ERBB4: variants seen among roughly 807,000 people sequenced by gnomAD.
ERBB4 encodes the protein receptor tyrosine-protein kinase erbB-4.
In ERBB4, 42 loss-of-function variants were observed where a neutral mutation model predicts 158.0. The observed-to-expected ratio is 0.27, with a 90% confidence interval of 0.21 to 0.34. The LOEUF (loss-of-function observed/expected upper bound fraction) is 0.34, where lower values mean the gene tolerates loss of function less well. Ranked by LOEUF, ERBB4 falls within the 10% of genes least tolerant of loss-of-function variation. The pLI is 1.00. For missense variants in ERBB4, 1,333 were observed against 1,624.1 expected, an observed-to-expected ratio of 0.82 and a Z score of 3.08; for synonymous variants, 583 against 558.7, an observed-to-expected ratio of 1.04 and a Z score of -0.61.
At chr2:211,518,193 TG>T (rs1390841336) in intron 20 of ERBB4, among the ~76,000 whole-genome samples, 1 of 152,034 alleles carries the variant, frequency 6.6e-6, no homozygotes, top group South Asian at 2.1e-4. Flanking sequence ...ACCTATAAAA[TG>T]GGGGTAAAAA....
chr2:211,840,321 C>G (rs2077442763), intron 3 of ERBB4, among the ~76,000 whole-genome samples: 1 of 151,956 alleles, frequency 6.6e-6, no homozygotes, highest in Admixed American at 6.6e-5. Flanking sequence ...TGTGAGGTCT[C>G]TCCAGCCATG....
intron 3 of ERBB4, among the ~76,000 whole-genome samples, chr2:211,819,880 A>G (rs1270016707): frequency 1.3e-5 from 2 of 151,868 alleles, no homozygotes; most frequent in Non-Finnish European, 2.9e-5. Context: ...TTAAGTTGTG[A>G]TAGTTTTTAG....
intron 2 of ERBB4, among the ~76,000 whole-genome samples, chr2:211,978,456 G>T (rs1304250716): frequency 7.3e-6 from 1 of 137,524 alleles, no homozygotes. Context: ...ATGAGACAGG[G>T]TTTCACTCTT....
chr2:212,074,649 G>A (rs1232158785), intron 2 of ERBB4, among the ~76,000 whole-genome samples: 1 of 151,892 alleles, frequency 6.6e-6, no homozygotes, highest in African/African-American at 2.4e-5. Context: ...TTTATAGGAT[G>A]ATTAATACTT....
intron 20 of ERBB4, among the ~76,000 whole-genome samples, chr2:211,452,926 ATAAT>A (rs369307209): frequency 1.3e-4 from 20 of 152,336 alleles, no homozygotes; most frequent in Non-Finnish European, 2.6e-4. Context: ...AAAACGATAA[ATAAT>A]TAGTCTCTCA....
In ERBB4 at chr2:212,216,753, T is replaced by G. The variant is rs532424521; in HGVS notation, c.83-91850A>C. ...TTCTCCTCACTACAACATAGCAGAT[T>G]ATATACATAACATGTTGCCCGGGGC... is the stretch of plus-strand genomic sequence containing the variant. On this transcript the variant is annotated intron_variant, in intron 1 of 27. Transcript: ENST00000342788. Among the ~76,000 whole-genome samples, 28 of 151,470 alleles carry G rather than the reference T, an allele frequency of 1.8e-4. No homozygotes were observed. In the East Asian group the frequency reaches 5.4e-3, roughly 29 times the overall value.
intron 20 of ERBB4, among the ~76,000 whole-genome samples, chr2:211,478,188 G>C (rs551373257): frequency 6.6e-6 from 1 of 152,240 alleles, no homozygotes; most frequent in African/African-American, 2.4e-5. Context: ...CAAGGTATTA[G>C]GAACACAGCA....
intron 4 of ERBB4, chr2:211,777,438 T>C (rs2106289729): frequency 6.6e-6 from 1 of 152,288 alleles, no homozygotes; most frequent in African/African-American, 2.4e-5. Context: ...TAAATCTGAT[T>C]ATTTACCTTA....
chr2:211,515,914 T>TATATATATATATATATATATATATATA (rs1559248895), intron 20 of ERBB4, among the ~76,000 whole-genome samples: 1 of 50,708 alleles, frequency 2.0e-5, no homozygotes, highest in African/African-American at 1.2e-4. Context: ...ATATATATAT[T>TATATATATATATATATATATATATATA]TTTTTTTTTT....
intron 1 of ERBB4, among the ~76,000 whole-genome samples, chr2:212,459,930 T>C (rs1688488805): frequency 6.6e-6 from 1 of 152,194 alleles, no homozygotes; most frequent in Non-Finnish European, 1.5e-5. Context: ...GATTTGGCTG[T>C]GTCCCCACCC....
intron 19 of ERBB4, among the ~76,000 whole-genome samples, chr2:211,611,296 A>C (rs2069185266): frequency 6.6e-6 from 1 of 152,094 alleles, no homozygotes. Context: ...ATAGAAAATA[A>C]GCTAATTCTG....
intron 2 of ERBB4, among the ~76,000 whole-genome samples, chr2:211,983,899 C>T (rs2081870312): frequency 6.6e-6 from 1 of 152,050 alleles, no homozygotes. Context: ...CCTATTATGA[C>T]AGAATAATGA....
intron 3 of ERBB4, among the ~76,000 whole-genome samples, chr2:211,923,075 A>AT (rs1265435363): frequency 6.6e-6 from 1 of 152,100 alleles, no homozygotes; most frequent in Admixed American, 6.6e-5. Context: ...GTACATTTGG[A>AT]TTTTTGAGTC....
chr2:212,431,306 T>TTA (rs1553638825), intron 1 of ERBB4, among the ~76,000 whole-genome samples: 3 of 86,886 alleles, frequency 3.5e-5, no homozygotes, highest in Non-Finnish European at 6.8e-5. Flanking sequence ...CTGCTCATAT[T>TTA]AAAAAAAAAA....
At chr2:212,015,116 A>T (rs2076497821) in intron 2 of ERBB4, among the ~76,000 whole-genome samples, 1 of 118,866 alleles carries the variant, frequency 8.4e-6, no homozygotes, top group Non-Finnish European at 1.7e-5. Context: ...ATATATAAAA[A>T]TTAGCCGGGC....
At chr2:212,473,687 T>C (rs1239156451) in intron 1 of ERBB4, among the ~76,000 whole-genome samples, 1 of 152,120 alleles carries the variant, frequency 6.6e-6, no homozygotes, top group Non-Finnish European at 1.5e-5. Flanking sequence ...TTTTATAACT[T>C]TGGAATAAAA....
At chr2:212,102,914 C>T (rs1284527022) in intron 2 of ERBB4, among the ~76,000 whole-genome samples, 2 of 152,094 alleles carry the variant, frequency 1.3e-5, no homozygotes, top group Admixed American at 6.6e-5. Context: ...CATTATCCAA[C>T]ACACTATTCT....
chr2:212,092,419 G>C (rs10166993), intron 2 of ERBB4, among the ~76,000 whole-genome samples: 103,877 of 152,054 alleles, frequency 0.68, 40,468 homozygotes, highest in East Asian at 1. Context: ...TTTATTTTTA[G>C]AGTGTTACAA....
chr2:211,529,182 T>G (rs2371315), intron 20 of ERBB4, among the ~76,000 whole-genome samples: 110,050 of 150,778 alleles, frequency 0.73, 40,268 homozygotes, highest in East Asian at 0.83. Flanking sequence ...CATTACAACT[T>G]GTACTACTGA....
Sources: allele counts gnomAD v4.1 joint callset (sites outside exome capture counted in the v4.1 genomes callset), GRCh38; gene constraint gnomAD v4.1.1; transcripts MANE v1.5; gene names NCBI Gene and HGNC (gene_info 2026-07-23, HGNC 2026-07-21).